Variants in PPP5C observed in about 807,000 individuals in gnomAD.
The protein encoded by PPP5C is protein phosphatase 5 catalytic subunit.
Under a neutral mutation model 66.7 loss-of-function variants are expected in PPP5C, and 21 were observed. The ratio of observed to expected loss-of-function variants is 0.31; its 90% CI spans 0.22 to 0.45. The LOEUF is 0.45. Among genes scored for constraint, PPP5C ranks in the 20% least tolerant of loss-of-function variants. The probability of loss-of-function intolerance (pLI) is 1.00; values close to 1 mark genes in which losing one functional copy is unlikely to be tolerated. For synonymous variants in PPP5C, 246 were observed against 257.4 expected, an observed-to-expected ratio of 0.96 and a Z score of 0.43; for missense variants, 464 against 675.9, an observed-to-expected ratio of 0.69 and a Z score of 3.48.
At chr19:46,349,283 G>T (rs371546974) in intron 1 of PPP5C, among the ~76,000 whole-genome samples, 7 of 151,450 alleles carry the variant, frequency 4.6e-5, no homozygotes, top group Non-Finnish European at 1.0e-4. Context: ...AACAGACTCC[G>T]TCTCAAGAAA....
At chr19:46,370,897 C>T (rs922465082) in intron 2 of PPP5C, among the ~76,000 whole-genome samples, 4 of 152,108 alleles carry the variant, frequency 2.6e-5, no homozygotes, top group South Asian at 2.1e-4. Flanking sequence ...CCCGCCACTG[C>T]GTCCAGCTAA....
At chr19:46,362,191 C>T (rs531790305) in intron 2 of PPP5C, among the ~76,000 whole-genome samples, 90 of 152,244 alleles carry the variant, frequency 5.9e-4, no homozygotes, top group African/African-American at 2.0e-3. Flanking sequence ...TCTTAGTGAC[C>T]GTAATTCATA....
At chr19:46,371,207 G>T (rs776900738) in intron 2 of PPP5C, among the ~76,000 whole-genome samples, 1 of 152,166 alleles carries the variant, frequency 6.6e-6, no homozygotes, top group Non-Finnish European at 1.5e-5. Flanking sequence ...CTCCCTCTGT[G>T]CTCCCTGGCC....
At position 46,388,131 on chromosome 19, in the gene PPP5C, G is replaced by C; in HGVS notation, c.1136-277G>C. Reference sequence around the variant, plus strand: ...CCACCAAAGGCTTTGAGTGGGAGAGGGGCCTGATCTGAATAGTGACATTGA... The same window carrying C: ...CCACCAAAGGCTTTGAGTGGGAGAGCGGCCTGATCTGAATAGTGACATTGA... On this transcript the variant is annotated intron_variant, in intron 9 of 12. Transcript: ENST00000012443. This position sits in a 1 kb window ranked among gnomAD's most constrained non-coding sequence, Gnocchi z 4.9. The C allele has an allele frequency of 2.3e-6, 1 of 428,818 alleles. No individual in the cohort carries two copies. The highest frequency in any genetic ancestry group is 4.2e-6 in the Non-Finnish European group (1 of 238,942). The allele number at this position is 428,818 out of a possible 1,614,324, so 26.6% of individuals were successfully genotyped here.
intron 2 of PPP5C, among the ~76,000 whole-genome samples, chr19:46,356,910 G>A (rs745834211): frequency 9.9e-5 from 15 of 152,190 alleles, no homozygotes; most frequent in Non-Finnish European, 1.8e-4. Flanking sequence ...GGCTCAGGAC[G>A]CCTAGGTTCA....
intron 2 of PPP5C, among the ~76,000 whole-genome samples, chr19:46,360,248 A>T (rs1972360214): frequency 6.6e-6 from 1 of 152,158 alleles, no homozygotes; most frequent in Non-Finnish European, 1.5e-5. Context: ...ATATACGAGG[A>T]CATAGTTTCT....
chr19:46,360,620 C>A (rs760768472), intron 2 of PPP5C, among the ~76,000 whole-genome samples: 1 of 152,104 alleles, frequency 6.6e-6, no homozygotes, highest in Admixed American at 6.5e-5. Flanking sequence ...TGTGCCTCAG[C>A]CTCCCAAGTA....
Position 46,388,408 on chromosome 19 carries a change from G to C in PPP5C, c.1136G>C (p.Gly379Ala). ...TAATGTTTCCCTCGCTCCCCACCAG[G>C]GCCCATGTGTGACCTGCTCTGGTCA... ...IERNRQPPDS[G>A]PMCDLLWSDP... is the part of the protein sequence containing the mutation. Residue 379 changes from glycine (G) to alanine (A), a missense_variant and splice_region_variant, in exon 10 of 13, where the codon GGG becomes GCG. Around this residue, in one of 2 missense-constraint regions of PPP5C, gnomAD observed 387 missense variants for 626.0 expected, o/e 0.62. Transcript: ENST00000012443. The surrounding 1 kb of genome is among the most constrained non-coding windows in gnomAD (Gnocchi z 4.9). 2 of 1,610,200 alleles carry C rather than the reference G, an allele frequency of 1.2e-6. No homozygotes were observed. The highest frequency in any genetic ancestry group is 1.7e-6 in the Non-Finnish European group (2 of 1,177,188).
chr19:46,382,906 A>G (rs1476039119), intron 4 of PPP5C: 35 of 1,078,058 alleles, frequency 3.2e-5, no homozygotes, highest in Non-Finnish European at 4.0e-5. Flanking sequence ...CTAGACATCT[A>G]TTAGTATTTT....
chr19:46,374,104 A>G (rs1363808874), intron 2 of PPP5C, among the ~76,000 whole-genome samples: 1 of 152,134 alleles, frequency 6.6e-6, no homozygotes, highest in African/African-American at 2.4e-5. Context: ...CCCCTGCCTT[A>G]CACCCACCCA....
chr19:46,382,636 G>A (rs1972812496), intron 4 of PPP5C: 1 of 179,814 alleles, frequency 5.6e-6, no homozygotes, highest in Non-Finnish European at 1.1e-5. Context: ...GCATTTGTAT[G>A]TGTATACTTT....
At chr19:46,389,409 A>AT (rs1358549345) in intron 11 of PPP5C, among the ~76,000 whole-genome samples, 1 of 36,796 alleles carries the variant, frequency 2.7e-5, no homozygotes, top group African/African-American at 8.2e-5. Flanking sequence ...ACACACACAC[A>AT]CACACACACA....
rs778518975 is a variant in PPP5C at position 46,388,639 on chromosome 19, C to T, written c.1263C>T (p.Asp421=). ...TKAFLEENNL[D]YIIRSHEVKA... is the part of the protein sequence containing the mutation. ...CCTTCTTGGAAGAGAACAACCTGGA[C>T]TATATCATCCGCAGCCACGAAGTCA... The change falls in exon 11 of 13, where the codon GAC becomes GAT. Residue 421 remains aspartate, a synonymous_variant. Transcript: ENST00000012443. This position sits in a 1 kb window ranked among gnomAD's most constrained non-coding sequence, Gnocchi z 4.9. 1 of 1,614,194 alleles carries T rather than the reference C, an allele frequency of 6.2e-7. No homozygotes were observed. Among genetic ancestry groups the T allele is most frequent in the South Asian group, 1.1e-5 (1 of 91,084 alleles).
At chr19:46,370,195 A>G (rs1972563633) in intron 2 of PPP5C, among the ~76,000 whole-genome samples, 1 of 152,228 alleles carries the variant, frequency 6.6e-6, no homozygotes, top group South Asian at 2.1e-4. Flanking sequence ...AATTTTTTAA[A>G]ACTTTCTCAC....
intron 2 of PPP5C, among the ~76,000 whole-genome samples, chr19:46,363,116 G>T (rs527427676): frequency 1.4e-5 from 2 of 147,998 alleles, no homozygotes; most frequent in Non-Finnish European, 3.0e-5. Context: ...AAACCATCCC[G>T]GCTAAAACGG....
chr19:46,355,434 G>A (rs1972268725), intron 2 of PPP5C, among the ~76,000 whole-genome samples: 1 of 152,202 alleles, frequency 6.6e-6, no homozygotes, highest in African/African-American at 2.4e-5. Flanking sequence ...GGTGGAGCCA[G>A]CTCAGACACT....
At chr19:46,372,708 G>A (rs1205464857) in intron 2 of PPP5C, among the ~76,000 whole-genome samples, 2 of 152,356 alleles carry the variant, frequency 1.3e-5, no homozygotes, top group South Asian at 2.1e-4. Flanking sequence ...TTCACCTGCA[G>A]TTGTAAGAAG....
chr19:46,368,747 T>C (rs1972533407), intron 2 of PPP5C, among the ~76,000 whole-genome samples: 1 of 152,190 alleles, frequency 6.6e-6, no homozygotes, highest in Non-Finnish European at 1.5e-5. Context: ...CAGTTTCCAT[T>C]ATACCACTCT....
At position 46,383,616 on chromosome 19, in the gene PPP5C, C is replaced by T. The variant is rs1353260743; in HGVS notation, c.699+140C>T. The T allele has an allele frequency of 1.9e-6, 2 of 1,052,934 alleles. No individual in the cohort carries two copies. Among genetic ancestry groups the T allele is most frequent in the Admixed American group, 2.4e-5 (1 of 41,340 alleles). The allele number at this position is 1,052,934 out of a possible 1,614,324, so 65.2% of individuals were successfully genotyped here. ...CCCCTGTGCCTTTCCTCCTGAATAT[C>T]CCATTTCTCTCCTGGCCTCTTGGTC... On this transcript the variant is annotated intron_variant, in intron 5 of 12. Coordinates refer to ENST00000012443, the MANE Select transcript of PPP5C (RefSeq NM_006247.4). This position sits in a 1 kb window ranked among gnomAD's most constrained non-coding sequence, Gnocchi z 5.0.
Sources: allele counts gnomAD v4.1 joint callset (sites outside exome capture counted in the v4.1 genomes callset), GRCh38; gene constraint gnomAD v4.1.1; regional missense constraint gnomAD v4.1.1; non-coding constraint Gnocchi (gnomAD v3.1); transcripts MANE v1.5; gene names NCBI Gene and HGNC (gene_info 2026-07-23, HGNC 2026-07-21).